Variants in MAL observed in about 807,000 individuals in gnomAD.
MAL encodes myelin and lymphocyte protein.
Under a neutral mutation model 16.7 loss-of-function variants are expected in MAL, and 5 were observed. The ratio of observed to expected loss-of-function variants is 0.30; its 90% CI spans 0.16 to 0.63. The LOEUF is 0.63. Among genes scored for constraint, MAL ranks in the 30% least tolerant of loss-of-function variants. The pLI, the probability that MAL is intolerant of heterozygous loss-of-function variation, is 0.82. For synonymous variants in MAL, 96 were observed against 85.5 expected, an observed-to-expected ratio of 1.12 and a Z score of -0.67; for missense variants, 202 against 195.8, an observed-to-expected ratio of 1.03 and a Z score of -0.19.
At position 95,042,886 on chromosome 2, in the gene MAL, C is replaced by G. The variant is rs546212587; in HGVS notation, c.94-5073C>G. On this transcript the variant is annotated intron_variant, in intron 1 of 3. Transcript: ENST00000309988. ...TCTGTGCCCAGGAGTGCCTTAACTCCCTGGTGTGGGTGCCCTTCTTACTCT... is the reference window on the plus strand; with the variant it reads ...TCTGTGCCCAGGAGTGCCTTAACTCGCTGGTGTGGGTGCCCTTCTTACTCT... Among the ~76,000 whole-genome samples, 40 of 152,284 alleles carry G rather than the reference C, an allele frequency of 2.6e-4. 2 individuals are homozygous for G. The East Asian group carries it at 6.4e-3, about 24-fold the overall frequency.
chr2:95,050,630 G>T (rs1265780197), intron 3 of MAL, among the ~76,000 whole-genome samples: 1 of 152,212 alleles, frequency 6.6e-6, no homozygotes, highest in Non-Finnish European at 1.5e-5. Flanking sequence ...CTCCCAGAAG[G>T]AGGGCCCCAG....
At chr2:95,039,103 AGTAAGTGT>A (rs200697012) in intron 1 of MAL, among the ~76,000 whole-genome samples, 16 of 148,008 alleles carry the variant, frequency 1.1e-4, no homozygotes, top group South Asian at 6.5e-4. Context: ...TGAGTGAGTG[AGTAAGTGT>A]CTGAGTGACT....
At chr2:95,032,959 GCCTGTCACCAGCCACAGCA>G (rs1302382617) in intron 1 of MAL, among the ~76,000 whole-genome samples, 16 of 152,350 alleles carry the variant, frequency 1.1e-4, no homozygotes, top group African/African-American at 3.8e-4. Context: ...TCAAAGGAAA[GCCTGTCACCAGCCACAGCA>G]CCTCCGCAGC....
rs1375079099 is a variant in MAL, at chr2:95,053,595, A to AT, written c.*140_*141insT. The AT allele has an allele frequency of 3.6e-5, 24 of 669,940 alleles. No individual in the cohort carries two copies. Among genetic ancestry groups the AT allele is most frequent in the Non-Finnish European group, 2.5e-5 (10 of 392,212 alleles). The allele number at this position is 669,940 out of a possible 1,614,324, so 41.5% of individuals were successfully genotyped here. ...CACCCCCCCACTGCCCAAAAAAAAA[A>AT]GCCCTGCCCTGTTGCTCGTGGGTGC... On this transcript the variant is annotated 3_prime_UTR_variant, in exon 4 of 4. Transcript: ENST00000309988.
At chr2:95,033,020 C>G (rs567627780) in intron 1 of MAL, among the ~76,000 whole-genome samples, 2 of 152,350 alleles carry the variant, frequency 1.3e-5, no homozygotes, top group Non-Finnish European at 2.9e-5. Flanking sequence ...GCACAGCCAG[C>G]CTCACTGACC....
chr2:95,045,612 C>T (rs1307632253), intron 1 of MAL, among the ~76,000 whole-genome samples: 1 of 152,218 alleles, frequency 6.6e-6, no homozygotes, highest in Non-Finnish European at 1.5e-5. Flanking sequence ...AACGAGGAAG[C>T]AACTTAAATT....
chr2:95,046,771 T>C lies in MAL; in HGVS notation c.94-1188T>C, dbSNP rs1268698925. Among the ~76,000 whole-genome samples the C allele has an allele frequency of 5.4e-4, 81 of 150,882 alleles. 2 individuals carry two copies. Among genetic ancestry groups the C allele is most frequent in the Admixed American group, 5.3e-3 (81 of 15,144 alleles). ...ACTCCAAATCTGATCATCAGAACAC[T>C]TCCTGGACTTGGGAATATAAACAGT... On this transcript the variant is annotated intron_variant, in intron 1 of 3. Transcript: ENST00000309988.
At chr2:95,036,536 A>C (rs2104337566) in intron 1 of MAL, among the ~76,000 whole-genome samples, 1 of 152,360 alleles carries the variant, frequency 6.6e-6, no homozygotes, top group African/African-American at 2.4e-5. Context: ...GTGTCTTTGA[A>C]TGAGATCCAT....
At chr2:95,037,177 GTGAGTGAC>G (rs1386323951) in intron 1 of MAL, among the ~76,000 whole-genome samples, 1 of 151,222 alleles carries the variant, frequency 6.6e-6, no homozygotes, top group Non-Finnish European at 1.5e-5. Context: ...GAGTGACTGA[GTGAGTGAC>G]TGAGTGACTG....
At chr2:95,034,076 G>A (rs189882245) in intron 1 of MAL, among the ~76,000 whole-genome samples, 31 of 152,328 alleles carry the variant, frequency 2.0e-4, no homozygotes, top group Admixed American at 4.6e-4. Flanking sequence ...GGCAGGGTCC[G>A]CAAGGCCCGC....
intron 1 of MAL, among the ~76,000 whole-genome samples, chr2:95,027,185 A>T (rs1673963407): frequency 2.0e-5 from 3 of 152,150 alleles, no homozygotes; most frequent in Admixed American, 2.0e-4. Flanking sequence ...GAAGTTCAGC[A>T]TACAAGAAGG....
rs71382807 is a variant in MAL, at chr2:95,053,568, A to AC, written c.*115dup. The AC allele has an allele frequency of 5.5e-6, 4 of 729,030 alleles. No individual in the cohort carries two copies. Among genetic ancestry groups the AC allele is most frequent in the Non-Finnish European group, 2.3e-6 (1 of 441,530 alleles). 45.2% of individuals were successfully genotyped at this position (729,030 alleles called of 1,614,324 possible). A position where few individuals can be genotyped will look rare whatever the true frequency, so the allele number is the denominator to read the frequency against. On this transcript the variant is annotated 3_prime_UTR_variant, in exon 4 of 4. Coordinates refer to ENST00000309988, the MANE Select transcript of MAL (RefSeq NM_002371.4). ...CCTTGATGGTGGAAAAAAGAAAACAACCACCCCCCCACTGCCCAAAAAAAA... is the reference window on the plus strand; with the variant it reads ...CCTTGATGGTGGAAAAAAGAAAACAACCCACCCCCCCACTGCCCAAAAAAAA...
intron 1 of MAL, among the ~76,000 whole-genome samples, chr2:95,045,642 C>T (rs1434777686): frequency 2.0e-5 from 3 of 152,212 alleles, no homozygotes; most frequent in African/African-American, 2.4e-5. Flanking sequence ...GGGAGGGTCA[C>T]GTAGCCACCA....
At chr2:95,039,120 C>CTGAGTGAG (rs765976536) in intron 1 of MAL, among the ~76,000 whole-genome samples, 1 of 71,308 alleles carries the variant, frequency 1.4e-5, no homozygotes, top group Admixed American at 1.3e-4. Flanking sequence ...GTCTGAGTGA[C>CTGAGTGAG]TGAGTGAGTG....
At position 95,030,237 on chromosome 2, in the gene MAL, A is replaced by G. The variant is rs1304462157; in HGVS notation, c.93+4352A>G. ...AAGGCAGGCCCAACTAGGAAGTGAG[A>G]CTGCCTTTCCAAATACCTCCAGAGC... On this transcript the variant is annotated intron_variant, in intron 1 of 3. Coordinates refer to ENST00000309988, the MANE Select transcript of MAL (RefSeq NM_002371.4). Among the ~76,000 whole-genome samples the G allele has an allele frequency of 2.0e-5, 3 of 152,210 alleles. No individual in the cohort carries two copies. In the South Asian group the frequency reaches 6.2e-4, roughly 32 times the overall value.
chr2:95,026,907 G>A (rs1454845070), intron 1 of MAL, among the ~76,000 whole-genome samples: 1 of 152,128 alleles, frequency 6.6e-6, no homozygotes, highest in Non-Finnish European at 1.5e-5. Context: ...CTGATTGGAG[G>A]GGGAGGGTGT....
intron 1 of MAL, chr2:95,044,333 C>T (rs182918350): frequency 2.7e-4 from 41 of 152,264 alleles, no homozygotes; most frequent in African/African-American, 9.1e-4. Flanking sequence ...TGGTGATGGA[C>T]GCACGTATCT....
chr2:95,031,089 C>A (rs946177179), intron 1 of MAL, among the ~76,000 whole-genome samples: 1 of 152,188 alleles, frequency 6.6e-6, no homozygotes, highest in Non-Finnish European at 1.5e-5. Context: ...ATGACAGAAA[C>A]CTCACTTTCA....
intron 3 of MAL, among the ~76,000 whole-genome samples, chr2:95,050,305 A>G (rs184555330): frequency 6.6e-6 from 1 of 152,362 alleles, no homozygotes; most frequent in African/African-American, 2.4e-5. Context: ...ACAGGGTAAC[A>G]GAATATATTG....
Sources: gnomAD v4.1 joint callset for allele counts (sites outside exome capture counted in the v4.1 genomes callset) on GRCh38, gnomAD v4.1.1 for gene constraint, MANE v1.5 for transcripts, NCBI Gene and HGNC (gene_info 2026-07-23, HGNC 2026-07-21) for gene names.